The following TMEM182 variants were observed in gnomAD, a reference collection of about 807,000 sequenced individuals.
TMEM182 encodes transmembrane protein 182.
In TMEM182, 20 loss-of-function variants were observed where a neutral mutation model predicts 26.8. The observed-to-expected ratio is 0.75, with a 90% CI of 0.53 to 1.09. The LOEUF (loss-of-function observed/expected upper bound fraction) is 1.09, where lower values mean the gene tolerates loss of function less well. Among genes scored for constraint, TMEM182 ranks in the 50% least tolerant of loss-of-function variants. The probability of loss-of-function intolerance (pLI) is 0.00; values close to 1 mark genes in which losing one functional copy is unlikely to be tolerated. For synonymous variants in TMEM182, 109 were observed against 102.2 expected, an observed-to-expected ratio of 1.07 and a Z score of -0.40; for missense variants, 277 against 275.5, an observed-to-expected ratio of 1.01 and a Z score of -0.04.
chr2:102,814,788 G>T lies in TMEM182; in HGVS notation c.510G>T (p.Trp170Cys), dbSNP rs570540406. 3 of 1,613,714 alleles carry T rather than the reference G, an allele frequency of 1.9e-6. No homozygotes were observed. In the African/African-American group the frequency reaches 4.0e-5, roughly 22 times the overall value. ...TGGTGGTGATGCTGTATGTCATCTG[G>T]GTCCAGGCAGTGGCTGACATGGAAA... Reference protein sequence around the residue: ...FSLVVMLYVIWVQAVADMESY... With the variant: ...FSLVVMLYVICVQAVADMESY... The change falls in exon 5 of 5, where the codon TGG becomes TGT. Residue 170 changes from tryptophan to cysteine, a missense_variant. Coordinates refer to ENST00000412401, the MANE Select transcript of TMEM182 (RefSeq NM_144632.5).
chr2:102,837,483 G>C (rs1357768324), intron 3 of TMEM182, among the ~76,000 whole-genome samples: 1 of 149,760 alleles, frequency 6.7e-6, no homozygotes, highest in East Asian at 2.0e-4. Context: ...TGGCAGAGTT[G>C]AGGGAATAGG....
At chr2:102,761,708 T>C (rs545052017), upstream of TMEM182, among the ~76,000 whole-genome samples, 1 of 152,374 alleles carries the variant, frequency 6.6e-6, no homozygotes, top group South Asian at 2.1e-4. Context: ...CTGTGATTTA[T>C]ATATCTTCAA....
chr2:102,772,838 T>G (rs990548947), intron 3 of TMEM182, among the ~76,000 whole-genome samples: 4 of 152,198 alleles, frequency 2.6e-5, no homozygotes, highest in Admixed American at 2.0e-4. Flanking sequence ...CAGCTATTCT[T>G]ATGATGATAT....
chr2:102,823,969 G>T (rs1389373010), intron 3 of TMEM182, among the ~76,000 whole-genome samples: 2 of 152,176 alleles, frequency 1.3e-5, no homozygotes, highest in African/African-American at 4.8e-5. Context: ...ATCCATTTTT[G>T]AGCCAGAAAA....
downstream of TMEM182, among the ~76,000 whole-genome samples, chr2:102,818,506 G>C (rs1271029288): frequency 1.3e-5 from 2 of 152,290 alleles, no homozygotes; most frequent in Admixed American, 1.3e-4. Context: ...TCCATCTTCA[G>C]ATCAGTGAGA....
chr2:102,763,601 G>A (rs1490846792), intron 2 of TMEM182, among the ~76,000 whole-genome samples: 1 of 152,194 alleles, frequency 6.6e-6, no homozygotes, highest in African/African-American at 2.4e-5. Flanking sequence ...TTTGAGGCAA[G>A]TACCTGATAG....
chr2:102,835,693 T>C (rs1683232176), intron 3 of TMEM182, among the ~76,000 whole-genome samples: 1 of 152,114 alleles, frequency 6.6e-6, no homozygotes, highest in South Asian at 2.1e-4. Flanking sequence ...TTTAAATTTA[T>C]TTAATTTATT....
downstream of TMEM182, among the ~76,000 whole-genome samples, chr2:102,819,066 C>T (rs1213967254): frequency 1.3e-5 from 2 of 152,168 alleles, no homozygotes; most frequent in African/African-American, 2.4e-5. Context: ...TTAATATTCT[C>T]ATTCTTCTGG....
intron 3 of TMEM182, among the ~76,000 whole-genome samples, chr2:102,795,458 G>A (rs189620035): frequency 2.1e-3 from 314 of 151,988 alleles, no homozygotes; most frequent in African/African-American, 6.8e-3. Flanking sequence ...TTATTTTTTC[G>A]GCAGGCAATC....
rs912006131 is a variant in TMEM182 at position 102,817,666 on chromosome 2, A to C, written c.*2698A>C. 9.2e-6 allele frequency: 9 copies of C among 982,330 alleles called. No individual in the cohort carries two copies. In the African/African-American group the frequency reaches 1.6e-4, roughly 17 times the overall value. 60.9% of individuals were successfully genotyped at this position (982,330 alleles called of 1,614,324 possible). On this transcript the variant is annotated 3_prime_UTR_variant, in exon 5 of 5. Transcript: ENST00000412401. ...GAAGATTAAATGGAATTATAAAGGA[A>C]TATATTGGAGGAAGTGTCAGTGTTG...
chr2:102,751,093 A>G (rs958225418), intron 1 of TMEM182, among the ~76,000 whole-genome samples: 1 of 152,156 alleles, frequency 6.6e-6, no homozygotes, highest in Admixed American at 6.6e-5. Context: ...TCATGCCAAG[A>G]AAGTTAAGGA....
At chr2:102,800,755 A>G (rs1682086752) in intron 4 of TMEM182, among the ~76,000 whole-genome samples, 1 of 150,996 alleles carries the variant, frequency 6.6e-6, no homozygotes, top group Admixed American at 6.6e-5. Flanking sequence ...TTTTAAACTC[A>G]GAACTGCTTT....
intron 3 of TMEM182, among the ~76,000 whole-genome samples, chr2:102,790,907 A>G (rs1407688058): frequency 1.3e-5 from 2 of 152,194 alleles, no homozygotes; most frequent in Non-Finnish European, 2.9e-5. Context: ...TAATGATTCA[A>G]TGACTGTTTT....
At chr2:102,832,377 A>G (rs79600179) in intron 3 of TMEM182, among the ~76,000 whole-genome samples, 3,347 of 152,272 alleles carry the variant, frequency 0.022, 144 homozygotes, top group African/African-American at 0.076. Flanking sequence ...ATCGAAAAAG[A>G]CCTCACTCAG....
intron 3 of TMEM182, among the ~76,000 whole-genome samples, chr2:102,835,678 CT>C (rs1288071829): frequency 6.6e-6 from 1 of 151,904 alleles, no homozygotes; most frequent in African/African-American, 2.4e-5. Flanking sequence ...TCAGAATTTT[CT>C]TTTTTTAAAT....
chr2:102,818,151 G>T (rs148841877), downstream of TMEM182, among the ~76,000 whole-genome samples: 1 of 152,128 alleles, frequency 6.6e-6, no homozygotes, highest in Non-Finnish European at 1.5e-5. Flanking sequence ...AACCAGATTT[G>T]ATTTTTTTGG....
chr2:102,807,991 T>C (rs1369240281), intron 4 of TMEM182, among the ~76,000 whole-genome samples: 2 of 152,188 alleles, frequency 1.3e-5, no homozygotes, highest in Admixed American at 6.5e-5. Flanking sequence ...TGGGAGTCTT[T>C]TATGAATGCA....
At chr2:102,814,247 AAG>A (rs1278331089) in intron 4 of TMEM182, among the ~76,000 whole-genome samples, 1 of 152,144 alleles carries the variant, frequency 6.6e-6, no homozygotes, top group African/African-American at 2.4e-5. Context: ...ATAGTATAAC[AAG>A]AGTCAGAAAG....
At chr2:102,765,283 A>T (rs997855553) in intron 3 of TMEM182, among the ~76,000 whole-genome samples, 1 of 152,056 alleles carries the variant, frequency 6.6e-6, no homozygotes, top group Non-Finnish European at 1.5e-5. Flanking sequence ...GTCAGAGCTG[A>T]TGTTGCAATC....
Sources: allele counts gnomAD v4.1 joint callset (sites outside exome capture counted in the v4.1 genomes callset), GRCh38; gene constraint gnomAD v4.1.1; transcripts MANE v1.5; gene names NCBI Gene and HGNC (gene_info 2026-07-23, HGNC 2026-07-21).